KLHL29: variants seen among roughly 807,000 people sequenced by gnomAD.
The protein encoded by KLHL29 is kelch-like protein 29.
In KLHL29, 21 loss-of-function variants were observed where a neutral mutation model predicts 80.4. That is an observed-to-expected ratio of 0.26 (90% CI 0.19 to 0.38). The LOEUF (loss-of-function observed/expected upper bound fraction) is 0.38. KLHL29 is among the 10% of genes least tolerant of loss of function. The probability of loss-of-function intolerance (pLI) is 1.00; values close to 1 mark genes in which losing one functional copy is unlikely to be tolerated. For missense variants in KLHL29, 867 were observed against 1,223.9 expected, an observed-to-expected ratio of 0.71 and a Z score of 4.35; for synonymous variants, 511 against 526.8, an observed-to-expected ratio of 0.97 and a Z score of 0.41.
intron 12 of KLHL29, 149 bp downstream of exon 12, chr2:23,703,528 C>A: frequency 9.3e-7 from 1 of 1,070,306 alleles, no homozygotes; most frequent in Non-Finnish European, 1.3e-6. Flanking sequence ...GAGCCCCCAG[C>A]TCAGGTGTCT....
intron 2 of KLHL29, among the ~76,000 whole-genome samples, chr2:23,479,530 C>T (rs1363649683): frequency 6.6e-6 from 1 of 152,078 alleles, no homozygotes; most frequent in Non-Finnish European, 1.5e-5. Flanking sequence ...CTTTCCTTGG[C>T]TCCCTGTATC....
intron 3 of KLHL29, chr2:23,617,024 A>T (rs1669030169): frequency 6.6e-6 from 1 of 152,236 alleles, no homozygotes; most frequent in Admixed American, 6.5e-5. Context: ...AAATAGAAGA[A>T]TCCTTGTGAA....
chr2:23,421,006 A>G (rs1662782837), intron 1 of KLHL29, among the ~76,000 whole-genome samples: 1 of 152,088 alleles, frequency 6.6e-6, no homozygotes, highest in Non-Finnish European at 1.5e-5. Flanking sequence ...TTTCATTAAC[A>G]TCTTCGCACA....
chr2:23,395,650 C>G (rs1007372148), intron 1 of KLHL29, among the ~76,000 whole-genome samples: 1 of 151,750 alleles, frequency 6.6e-6, no homozygotes, highest in Admixed American at 6.6e-5. Context: ...GAGGCTGAGA[C>G]AGGAGAATCG....
At chr2:23,554,911 G>A (rs1215654940) in intron 2 of KLHL29, among the ~76,000 whole-genome samples, 3 of 152,192 alleles carry the variant, frequency 2.0e-5, no homozygotes, top group African/African-American at 7.2e-5. Context: ...CACACCAGCT[G>A]GTGAGCAATT....
intron 1 of KLHL29, among the ~76,000 whole-genome samples, chr2:23,392,738 C>G (rs1666349597): frequency 6.6e-6 from 1 of 152,214 alleles, no homozygotes; most frequent in African/African-American, 2.4e-5. Flanking sequence ...CCTTTCTGCA[C>G]ACACACCCCT....
At chr2:23,642,190 T>C (rs1347542438) in intron 4 of KLHL29, 148 bp from the exon 5 acceptor site, 3 of 706,612 alleles carry the variant, frequency 4.2e-6, no homozygotes, top group South Asian at 1.2e-4. Flanking sequence ...TGGGCTGCCA[T>C]GATCACAGAT....
chr2:23,692,511 A>T (rs533476639), intron 7 of KLHL29, among the ~76,000 whole-genome samples: 3 of 152,326 alleles, frequency 2.0e-5, no homozygotes, highest in African/African-American at 7.2e-5. Context: ...GCAGAGAGAA[A>T]GCCAGAGCCC....
chr2:23,592,372 T>A (rs1450997865), intron 3 of KLHL29, among the ~76,000 whole-genome samples: 1 of 152,274 alleles, frequency 6.6e-6, no homozygotes, highest in Non-Finnish European at 1.5e-5. Flanking sequence ...TCCTAGAGGC[T>A]GAGCCCTGCT....
chr2:23,419,778 G>A (rs1662732675), intron 1 of KLHL29, among the ~76,000 whole-genome samples: 1 of 152,106 alleles, frequency 6.6e-6, no homozygotes, highest in African/African-American at 2.4e-5. Context: ...GGGTGCGGCT[G>A]GTCTCTCAGC....
intron 1 of KLHL29, among the ~76,000 whole-genome samples, chr2:23,419,126 C>G (rs528168961): frequency 9.3e-4 from 142 of 152,284 alleles, no homozygotes; most frequent in African/African-American, 3.4e-3. Context: ...TAAAACAGGC[C>G]AAGTCAGAAA....
chr2:23,454,842 A>G (rs754966699), intron 1 of KLHL29, among the ~76,000 whole-genome samples: 1 of 151,774 alleles, frequency 6.6e-6, no homozygotes, highest in Non-Finnish European at 1.5e-5. Flanking sequence ...CCTCCTGCCC[A>G]CCAGACACTA....
chr2:23,408,420 A>G (rs1394124345), intron 1 of KLHL29, among the ~76,000 whole-genome samples: 2 of 151,626 alleles, frequency 1.3e-5, no homozygotes, highest in East Asian at 3.9e-4. Flanking sequence ...GTGCTATTCC[A>G]TTTACTCTTG....
At chr2:23,673,380 C>T (rs1012476237) in intron 5 of KLHL29, among the ~76,000 whole-genome samples, 1 of 151,042 alleles carries the variant, frequency 6.6e-6, no homozygotes, top group African/African-American at 2.4e-5. Context: ...TGCATGCACA[C>T]GTCCACACCA....
intron 1 of KLHL29, among the ~76,000 whole-genome samples, chr2:23,433,812 C>T (rs902163524): frequency 1.3e-5 from 2 of 152,020 alleles, no homozygotes; most frequent in Admixed American, 1.3e-4. Context: ...CGAGCTATTC[C>T]GGAGGCTGAG....
At chr2:23,483,693 T>C (rs1400234238) in intron 2 of KLHL29, among the ~76,000 whole-genome samples, 2 of 152,092 alleles carry the variant, frequency 1.3e-5, no homozygotes, top group African/African-American at 4.8e-5. Context: ...AGAGGGACTC[T>C]AGGAGGTAGA....
intron 3 of KLHL29, among the ~76,000 whole-genome samples, chr2:23,577,489 G>A (rs1274361643): frequency 6.7e-6 from 1 of 149,978 alleles, no homozygotes; most frequent in Non-Finnish European, 1.5e-5. Context: ...GCTCACACCT[G>A]TAATCTCAAC....
At chr2:23,452,038 G>A (rs1354668879) in intron 1 of KLHL29, among the ~76,000 whole-genome samples, 1 of 151,888 alleles carries the variant, frequency 6.6e-6, no homozygotes, top group Non-Finnish European at 1.5e-5. Flanking sequence ...CTTGAAATAG[G>A]TCTTGCATTT....
At chr2:23,542,925 C>T (rs990045180) in intron 2 of KLHL29, among the ~76,000 whole-genome samples, 2 of 152,170 alleles carry the variant, frequency 1.3e-5, no homozygotes, top group Non-Finnish European at 2.9e-5. Flanking sequence ...GTCTGAGCTT[C>T]TGCTTCCTCC....
Sources: gnomAD v4.1 joint callset for allele counts (sites outside exome capture counted in the v4.1 genomes callset) on GRCh38, gnomAD v4.1.1 for gene constraint, MANE v1.5 for transcripts, NCBI Gene and HGNC (gene_info 2026-07-23, HGNC 2026-07-21) for gene names.